Variants in EIF2B3 observed in about 807,000 individuals in gnomAD.
EIF2B3 encodes the protein eukaryotic translation initiation factor 2B subunit gamma.
In EIF2B3, 20 loss-of-function variants were observed where a neutral mutation model predicts 54.1. The ratio of observed to expected loss-of-function variants is 0.37; its 90% CI spans 0.26 to 0.54. EIF2B3 has a LOEUF of 0.54. Ranked by LOEUF, EIF2B3 falls within the 20% of genes least tolerant of loss-of-function variation. The pLI is 0.86. For synonymous variants in EIF2B3, 153 were observed against 188.1 expected (o/e 0.81, Z 1.52); for missense variants, 448 against 547.8 (o/e 0.82, Z 1.82).
chr1:44,942,419 T>TA (rs1557697171), intron 3 of EIF2B3, among the ~76,000 whole-genome samples: 1 of 27,696 alleles, frequency 3.6e-5, no homozygotes, highest in African/African-American at 2.0e-4. Context: ...ATATATATAT[T>TA]TTTTTTTTTT....
chr1:44,941,553 T>G lies in EIF2B3; in HGVS notation c.407A>C (p.Gln136Pro), dbSNP rs113994023. 3.2e-5 allele frequency: 51 copies of G among 1,613,958 alleles called. No individual in the cohort carries two copies. Among genetic ancestry groups the G allele is most frequent in the Non-Finnish European group, 4.2e-5 (50 of 1,179,952 alleles). The change falls in exon 4 of 12, where the codon CAA becomes CCA. Residue 136 changes from glutamine (Q) to proline (P), a missense_variant. By Grantham distance (76) the Gln-to-Pro change is moderately conservative. This residue lies in a region of EIF2B3 where 350 missense variants were observed against 414.2 expected (regional missense o/e 0.85). Coordinates refer to ENST00000360403, the MANE Select transcript of EIF2B3 (RefSeq NM_020365.5). The part of the protein sequence containing the change: ...ASLAMLMRKG[Q>P]DSIEPVPGQK... ...ACCGGGAACAGGTTCTATGCTATCT[T>G]GGCCTTTTCTCATCAACATAGCAAG...
In EIF2B3 at chr1:44,964,509, T is replaced by C. The variant is rs117859943; in HGVS notation, c.294+13806A>G. On this transcript the variant is annotated intron_variant, in intron 3 of 11. Transcript: ENST00000360403. ...TAACTTGCATTTAGCTTTTTGAACA[T>C]CTGAAAATAGTACATATGCTCAGTC... Among the ~76,000 whole-genome samples the C allele has an allele frequency of 3.3e-5, 5 of 152,328 alleles. No homozygotes were observed. The East Asian group carries it at 5.8e-4, about 18-fold the overall frequency.
chr1:44,978,239 G>T, intron 3 of EIF2B3, 76 bp downstream of exon 3: 1 of 1,560,258 alleles, frequency 6.4e-7, no homozygotes. Flanking sequence ...TCAAAAAAAA[G>T]ACTATAATGC....
chr1:44,942,127 C>A (rs1463965152), intron 3 of EIF2B3, among the ~76,000 whole-genome samples: 1 of 151,634 alleles, frequency 6.6e-6, no homozygotes, highest in African/African-American at 2.4e-5. Context: ...AGGAACTTAA[C>A]ATTCTATAGT....
chr1:44,949,314 T>C (rs975304868), intron 3 of EIF2B3, among the ~76,000 whole-genome samples: 1 of 152,206 alleles, frequency 6.6e-6, no homozygotes, highest in Admixed American at 6.5e-5. Context: ...CCCCTAGAGA[T>C]GATGCATTTT....
At chr1:44,859,008 A>G (rs991992716) in intron 10 of EIF2B3, among the ~76,000 whole-genome samples, 1 of 152,196 alleles carries the variant, frequency 6.6e-6, no homozygotes, top group Admixed American at 6.5e-5. Context: ...TTTAAAAAGC[A>G]TTCTCCTAGG....
intron 3 of EIF2B3, among the ~76,000 whole-genome samples, chr1:44,946,645 T>C (rs1477158224): frequency 2.8e-5 from 4 of 142,462 alleles, no homozygotes; most frequent in Admixed American, 1.4e-4. Context: ...TTTTTTTTTG[T>C]AGAGACGGGA....
chr1:44,862,248 C>T (rs778773024), intron 10 of EIF2B3, among the ~76,000 whole-genome samples: 16 of 152,224 alleles, frequency 1.1e-4, no homozygotes, highest in Non-Finnish European at 2.1e-4. Flanking sequence ...GCTGTGTTCT[C>T]TAAGACGCTG....
At chr1:44,960,639 A>G (rs1271616949) in intron 3 of EIF2B3, among the ~76,000 whole-genome samples, 1 of 151,318 alleles carries the variant, frequency 6.6e-6, no homozygotes, top group Admixed American at 6.6e-5. Context: ...CCCCGTCTCA[A>G]AAAAAAAAGA....
chr1:44,877,192 TAAAAAAAA>T (rs768263508), intron 8 of EIF2B3, among the ~76,000 whole-genome samples: 28 of 52,078 alleles, frequency 5.4e-4, no homozygotes, highest in African/African-American at 1.6e-3. Context: ...GAATGATCAA[TAAAAAAAA>T]AAAAAAAAAA....
At chr1:44,896,703 C>T (rs1230861013) in intron 6 of EIF2B3, among the ~76,000 whole-genome samples, 2 of 152,176 alleles carry the variant, frequency 1.3e-5, no homozygotes, top group Non-Finnish European at 2.9e-5. Context: ...ACTGTAGCTG[C>T]TTTTCTTATA....
At chr1:44,911,712 G>A (rs943580412) in intron 5 of EIF2B3, among the ~76,000 whole-genome samples, 1 of 150,364 alleles carries the variant, frequency 6.7e-6, no homozygotes, top group South Asian at 2.1e-4. Context: ...GTTTTGTTTT[G>A]TTTTTTTATT....
At chr1:44,859,877 C>A (rs1379038472) in intron 10 of EIF2B3, among the ~76,000 whole-genome samples, 1 of 151,808 alleles carries the variant, frequency 6.6e-6, no homozygotes, top group Non-Finnish European at 1.5e-5. Context: ...CTGCCTCAGC[C>A]CCCCAAGTAG....
chr1:44,972,286 C>T (rs1016551842), intron 3 of EIF2B3, among the ~76,000 whole-genome samples: 1 of 77,312 alleles, frequency 1.3e-5, no homozygotes, highest in Non-Finnish European at 2.5e-5. Flanking sequence ...CACAAACACA[C>T]ACATGTATAT....
Position 44,926,750 on chromosome 1 carries a change from C to T in EIF2B3, c.455-11G>A, listed in dbSNP as rs527440686. 1.2e-6 allele frequency: 2 copies of T among 1,605,604 alleles called. No homozygotes were observed. Among genetic ancestry groups the T allele is most frequent in the African/African-American group, 1.3e-5 (1 of 74,510 alleles). Reference sequence around the variant, plus strand: ...AGTCACGCTGCTCCACTGAATCATACAAAAGAAAAAAAAAATCAAATAAAG... The same window carrying T: ...AGTCACGCTGCTCCACTGAATCATATAAAAGAAAAAAAAAATCAAATAAAG... On this transcript the variant is annotated splice_polypyrimidine_tract_variant and intron_variant, in intron 4 of 11. Transcript: ENST00000360403.
intron 10 of EIF2B3, among the ~76,000 whole-genome samples, chr1:44,871,108 C>G (rs1450566151): frequency 1.3e-5 from 2 of 152,246 alleles, no homozygotes; most frequent in East Asian, 3.8e-4. Context: ...GCCTGCCAAT[C>G]TTGCTCTTCC....
At chr1:44,966,874 T>G (rs1644346676) in intron 3 of EIF2B3, among the ~76,000 whole-genome samples, 1 of 152,006 alleles carries the variant, frequency 6.6e-6, no homozygotes, top group Non-Finnish European at 1.5e-5. Flanking sequence ...CAGGCTGGAG[T>G]GCAATGGCGC....
Position 44,879,880 on chromosome 1 carries a change from T to A in EIF2B3, c.913A>T (p.Met305Leu). The change falls in exon 8 of 12, where the codon ATG becomes TTG. Residue 305 changes from methionine (M) to leucine (L), a missense_variant. Met to Leu is a conservative substitution (Grantham distance 15). This residue lies in a region of EIF2B3 where 350 missense variants were observed against 414.2 expected (regional missense o/e 0.85). Coordinates refer to ENST00000360403, the MANE Select transcript of EIF2B3 (RefSeq NM_020365.5). Reference protein sequence around the residue: ...RSQVRCYVHIMKEGLCSRVST... With the variant: ...RSQVRCYVHILKEGLCSRVST... ...ACTCGAGAGCAGAGCCCCTCTTTCATGATGTGGACATAGCAGCGCACCTGT... is the reference window on the plus strand; with the variant it reads ...ACTCGAGAGCAGAGCCCCTCTTTCAAGATGTGGACATAGCAGCGCACCTGT... 1 of 1,614,172 alleles carries A rather than the reference T, an allele frequency of 6.2e-7. No homozygotes were observed. Among genetic ancestry groups the A allele is most frequent in the South Asian group, 1.1e-5 (1 of 91,086 alleles).
chr1:44,904,325 T>C (rs1168965921), intron 5 of EIF2B3, among the ~76,000 whole-genome samples: 3 of 152,228 alleles, frequency 2.0e-5, no homozygotes, highest in Admixed American at 6.5e-5. Flanking sequence ...GGAAGTGTCA[T>C]GGATGGCTTC....
Sources: gnomAD v4.1 joint callset for allele counts (sites outside exome capture counted in the v4.1 genomes callset) on GRCh38, gnomAD v4.1.1 for gene constraint, gnomAD v4.1.1 regional missense constraint, MANE v1.5 for transcripts, NCBI Gene and HGNC (gene_info 2026-07-23, HGNC 2026-07-21) for gene names.